CLVS1: variants seen among roughly 807,000 people sequenced by gnomAD.
The protein encoded by CLVS1 is clavesin-1.
A neutral mutation model predicts 33.1 loss-of-function variants in CLVS1; 10 were observed. The ratio of observed to expected loss-of-function variants is 0.30; its 90% CI spans 0.19 to 0.51. CLVS1 has a LOEUF of 0.51. Among genes scored for constraint, CLVS1 ranks in the 20% least tolerant of loss-of-function variants. The probability of loss-of-function intolerance (pLI) is 0.97; values close to 1 mark genes in which losing one functional copy is unlikely to be tolerated. For missense variants in CLVS1, 343 were observed against 433.4 expected (o/e 0.79, Z 1.85); for synonymous variants, 163 against 166.1 (o/e 0.98, Z 0.14).
chr8:61,341,678 AT>A (rs1478029877), intron 2 of CLVS1, among the ~76,000 whole-genome samples: 2 of 152,158 alleles, frequency 1.3e-5, no homozygotes, highest in Non-Finnish European at 2.9e-5. Context: ...GGGGTTGAGG[AT>A]TTTGTTTCAG....
chr8:61,164,829 G>A (rs1806824979), intron 2 of CLVS1, among the ~76,000 whole-genome samples: 1 of 152,144 alleles, frequency 6.6e-6, no homozygotes, highest in Non-Finnish European at 1.5e-5. Context: ...ACCACTCCAT[G>A]TGTGTCCATG....
At chr8:61,189,104 T>C (rs1372856843) in intron 2 of CLVS1, among the ~76,000 whole-genome samples, 4 of 152,190 alleles carry the variant, frequency 2.6e-5, no homozygotes, top group South Asian at 4.1e-4. Flanking sequence ...AAGGAAAATA[T>C]ATTAAGGGCA....
intron 3 of CLVS1, among the ~76,000 whole-genome samples, chr8:61,421,794 T>C (rs1397662517): frequency 6.6e-6 from 1 of 152,140 alleles, no homozygotes; most frequent in Non-Finnish European, 1.5e-5. Context: ...AGCCAATGCT[T>C]GTAGTGAAAT....
At chr8:61,204,341 G>A (rs142941272) in intron 2 of CLVS1, among the ~76,000 whole-genome samples, 1 of 152,316 alleles carries the variant, frequency 6.6e-6, no homozygotes, top group East Asian at 1.9e-4. Flanking sequence ...ATAAAGTACA[G>A]AGAGACTGCT....
At chr8:61,294,792 A>G (rs1278694426) in intron 1 of CLVS1, among the ~76,000 whole-genome samples, 1 of 152,214 alleles carries the variant, frequency 6.6e-6, no homozygotes, top group Non-Finnish European at 1.5e-5. Context: ...ATAATAGATC[A>G]TAAAATTACC....
At position 61,118,116 on chromosome 8, in the gene CLVS1, G is replaced by A. The variant is rs1158673805; in HGVS notation, c.-242-13654G>A. 4.6e-5 allele frequency among the ~76,000 whole-genome samples: 7 copies of A among 151,670 alleles called. No homozygotes were observed. In the South Asian group the frequency reaches 6.3e-4, roughly 14 times the overall value. On this transcript the variant is annotated intron_variant, in intron 1 of 2. Transcript: ENST00000522621. ...TTAGTCTTGGGAGAGTGTATGTGTC[G>A]AGGAATTTATCCATTTCTTCTAGAT...
At chr8:61,483,263 A>G (rs1803737859) in intron 5 of CLVS1, among the ~76,000 whole-genome samples, 1 of 152,232 alleles carries the variant, frequency 6.6e-6, no homozygotes, top group Non-Finnish European at 1.5e-5. Flanking sequence ...AAAGGATATC[A>G]CCACCAATCC....
At chr8:61,490,159 T>TA (rs1347299303) in intron 5 of CLVS1, among the ~76,000 whole-genome samples, 1 of 151,058 alleles carries the variant, frequency 6.6e-6, no homozygotes, top group African/African-American at 2.4e-5. Context: ...CTACTAAAAA[T>TA]AAAAAATTAC....
At chr8:61,440,674 T>A (rs1816505880) in intron 3 of CLVS1, among the ~76,000 whole-genome samples, 1 of 152,214 alleles carries the variant, frequency 6.6e-6, no homozygotes, top group South Asian at 2.1e-4. Flanking sequence ...TTGCTTAATA[T>A]GGTTAGGACA....
At chr8:61,326,123 T>C (rs1039232578) in intron 2 of CLVS1, among the ~76,000 whole-genome samples, 18 of 152,328 alleles carry the variant, frequency 1.2e-4, no homozygotes, top group African/African-American at 4.3e-4. Flanking sequence ...TCACTGCCTT[T>C]CAGCCTTCAT....
chr8:61,086,708 T>G (rs888829136), intron 1 of CLVS1, among the ~76,000 whole-genome samples: 3 of 152,220 alleles, frequency 2.0e-5, no homozygotes, highest in Non-Finnish European at 4.4e-5. Context: ...CTTTCAATTA[T>G]ATTTTATTTT....
intron 2 of CLVS1, among the ~76,000 whole-genome samples, chr8:61,167,037 G>A (rs989772868): frequency 6.6e-6 from 1 of 150,416 alleles, no homozygotes; most frequent in African/African-American, 2.4e-5. Context: ...TTCCTTTCTT[G>A]ATGGCATAAA....
At chr8:61,316,780 C>A (rs889844776) in intron 2 of CLVS1, among the ~76,000 whole-genome samples, 1 of 152,168 alleles carries the variant, frequency 6.6e-6, no homozygotes, top group Non-Finnish European at 1.5e-5. Context: ...GCTCAGGTGC[C>A]TGTGGCTAGA....
intron 3 of CLVS1, among the ~76,000 whole-genome samples, chr8:61,400,796 G>A (rs768223907): frequency 6.6e-6 from 1 of 152,080 alleles, no homozygotes; most frequent in Non-Finnish European, 1.5e-5. Flanking sequence ...ATAATCACAT[G>A]GTTTTTGTCT....
intron 2 of CLVS1, among the ~76,000 whole-genome samples, chr8:61,259,344 CT>C (rs2129592109): frequency 6.6e-6 from 1 of 152,256 alleles, no homozygotes; most frequent in African/African-American, 2.4e-5. Flanking sequence ...GGTACATTCA[CT>C]CGTATATAAG....
intron 2 of CLVS1, among the ~76,000 whole-genome samples, chr8:61,357,457 C>T (rs1165543207): frequency 1.7e-5 from 2 of 116,454 alleles, no homozygotes; most frequent in Non-Finnish European, 3.8e-5. Context: ...TTTGCCAGGA[C>T]GTTTTTTTTT....
intron 5 of CLVS1, among the ~76,000 whole-genome samples, chr8:61,474,827 T>A (rs9987340): frequency 0.57 from 86,509 of 151,956 alleles, 28,185 homozygotes; most frequent in Non-Finnish European, 0.72. Context: ...TTAAGTTTTA[T>A]TGTACATATG....
chr8:61,458,641 A>G (rs1422006925), intron 5 of CLVS1, 99 bp downstream of exon 5: 2 of 760,744 alleles, frequency 2.6e-6, no homozygotes, highest in South Asian at 4.1e-5. Flanking sequence ...CTTTATGGGC[A>G]GAGAACTTGA....
intron 2 of CLVS1, among the ~76,000 whole-genome samples, chr8:61,338,978 G>T (rs1344149555): frequency 6.9e-6 from 1 of 144,822 alleles, no homozygotes; most frequent in African/African-American, 2.6e-5. Context: ...GTGTGTGTGT[G>T]TGTGTGTGTG....
Sources: allele counts gnomAD v4.1 joint callset (sites outside exome capture counted in the v4.1 genomes callset), GRCh38; gene constraint gnomAD v4.1.1; transcripts MANE v1.5; gene names NCBI Gene and HGNC (gene_info 2026-07-23, HGNC 2026-07-21).